Variants in FSTL5 observed in about 807,000 individuals in gnomAD.
FSTL5 encodes the protein follistatin-related protein 5.
In FSTL5, 62 loss-of-function variants were observed where a neutral mutation model predicts 89.1. That is an observed-to-expected ratio of 0.70 (90% CI 0.57 to 0.86). The LOEUF (loss-of-function observed/expected upper bound fraction) is 0.86. Ranked by LOEUF, FSTL5 falls within the 40% of genes least tolerant of loss-of-function variation. FSTL5 has a pLI of 0.00. For synonymous variants in FSTL5, 383 were observed against 346.2 expected (o/e 1.11, Z -1.18); for missense variants, 1,057 against 1,001.6 (o/e 1.06, Z -0.75).
intron 9 of FSTL5, among the ~76,000 whole-genome samples, chr4:161,538,654 C>G (rs758979018): frequency 2.0e-5 from 3 of 151,986 alleles, no homozygotes; most frequent in Non-Finnish European, 4.4e-5. Context: ...TTTCAGAAAT[C>G]TAATAATAGC....
intron 2 of FSTL5, among the ~76,000 whole-genome samples, chr4:162,049,654 A>G (rs541649283): frequency 6.6e-6 from 1 of 152,076 alleles, no homozygotes; most frequent in African/African-American, 2.4e-5. Flanking sequence ...ACTATCTGCC[A>G]TGCCGCTAAA....
intron 4 of FSTL5, among the ~76,000 whole-genome samples, chr4:161,842,670 A>G (rs531350531): frequency 2.6e-5 from 4 of 152,228 alleles, no homozygotes; most frequent in South Asian, 4.1e-4. Flanking sequence ...AAGAAACAAT[A>G]TGCAATCTGC....
intron 3 of FSTL5, among the ~76,000 whole-genome samples, chr4:161,972,122 C>T (rs554159980): frequency 4.6e-5 from 7 of 152,158 alleles, no homozygotes; most frequent in South Asian, 2.1e-4. Flanking sequence ...GAGGGAGTTT[C>T]GCTCTTGTCT....
intron 6 of FSTL5, among the ~76,000 whole-genome samples, chr4:161,659,253 G>C (rs922910831): frequency 5.9e-5 from 9 of 152,088 alleles, no homozygotes; most frequent in African/African-American, 1.9e-4. Context: ...CTATATATTT[G>C]ATAATTTCTT....
intron 13 of FSTL5, among the ~76,000 whole-genome samples, chr4:161,476,000 G>T (rs1049975490): frequency 3.3e-5 from 5 of 151,822 alleles, no homozygotes; most frequent in African/African-American, 1.2e-4. Context: ...TGATCCGCCC[G>T]CCTGGGCCTC....
intron 6 of FSTL5, among the ~76,000 whole-genome samples, chr4:161,739,168 T>C (rs182625318): frequency 1.6e-3 from 249 of 152,324 alleles, no homozygotes; most frequent in African/African-American, 4.8e-3. Context: ...AGAACAGTGT[T>C]GCTGCAGAAG....
intron 12 of FSTL5, among the ~76,000 whole-genome samples, chr4:161,494,237 G>C (rs1729987766): frequency 6.6e-6 from 1 of 152,016 alleles, no homozygotes; most frequent in South Asian, 2.1e-4. Context: ...TGTTTGAAAA[G>C]AGACACCCTG....
At chr4:162,127,237 C>T (rs751558613) in intron 1 of FSTL5, among the ~76,000 whole-genome samples, 4 of 152,142 alleles carry the variant, frequency 2.6e-5, no homozygotes, top group Non-Finnish European at 4.4e-5. Context: ...CCAGTTATGC[C>T]TCGTACACCC....
At chr4:162,049,329 C>T (rs1738305752) in intron 2 of FSTL5, among the ~76,000 whole-genome samples, 1 of 152,104 alleles carries the variant, frequency 6.6e-6, no homozygotes, top group African/African-American at 2.4e-5. Flanking sequence ...CAAAAGAAGG[C>T]CCACTATTAG....
intron 15 of FSTL5, among the ~76,000 whole-genome samples, chr4:161,423,615 T>C (rs1392602949): frequency 3.3e-5 from 5 of 152,118 alleles, no homozygotes; most frequent in Non-Finnish European, 7.4e-5. Context: ...TACTATATTT[T>C]TCATTCAATA....
intron 6 of FSTL5, among the ~76,000 whole-genome samples, chr4:161,684,940 C>G (rs1203942128): frequency 6.6e-6 from 1 of 152,010 alleles, no homozygotes; most frequent in Non-Finnish European, 1.5e-5. Flanking sequence ...AGGTGAGAGA[C>G]GAAGATCCAG....
chr4:161,419,968 A>G (rs531133016), intron 15 of FSTL5, among the ~76,000 whole-genome samples: 6 of 152,340 alleles, frequency 3.9e-5, no homozygotes, highest in Admixed American at 2.0e-4. Flanking sequence ...CTCTGAATCA[A>G]CAGGCAAAGA....
chr4:161,834,724 C>T (rs906277694), intron 4 of FSTL5, among the ~76,000 whole-genome samples: 2 of 152,002 alleles, frequency 1.3e-5, no homozygotes, highest in African/African-American at 4.8e-5. Flanking sequence ...GAATAAAATG[C>T]CTAGGAATCC....
intron 3 of FSTL5, among the ~76,000 whole-genome samples, chr4:161,978,157 C>G (rs1251447642): frequency 2.0e-5 from 3 of 152,218 alleles, no homozygotes; most frequent in Non-Finnish European, 4.4e-5. Context: ...TATTTATACA[C>G]AAATCATAAT....
At chr4:161,921,329 G>T (rs976843940) in intron 3 of FSTL5, among the ~76,000 whole-genome samples, 2 of 152,070 alleles carry the variant, frequency 1.3e-5, no homozygotes, top group African/African-American at 2.4e-5. Flanking sequence ...ATATTTTCTT[G>T]TTACTTATTT....
At chr4:161,841,203 C>G (rs990893185) in intron 4 of FSTL5, among the ~76,000 whole-genome samples, 2 of 152,162 alleles carry the variant, frequency 1.3e-5, no homozygotes, top group African/African-American at 4.8e-5. Context: ...AAAGTGCATA[C>G]ACCATTTATT....
rs1731698085 is a variant in FSTL5, at chr4:161,538,196, G to C, written c.1282C>G (p.Leu428Val). 3 of 1,614,014 alleles carry C rather than the reference G, an allele frequency of 1.9e-6. No homozygotes were observed. The South Asian group carries it at 3.3e-5, about 18-fold the overall frequency. ...EAGVDEDISS[L>V]FVEDSARKTL... ...TTTCTAGCAGAGTCTTCCACAAAAA[G>C]AGAAGAGATGTCTTCATCCACTCCT... Residue 428 changes from leucine to valine, a missense_variant, in exon 10 of 16, where the codon CTT (leucine) becomes GTT (valine). By Grantham distance (32) the Leu-to-Val change is conservative (BLOSUM62 1). Coordinates refer to ENST00000306100, the MANE Select transcript of FSTL5 (RefSeq NM_020116.5).
chr4:161,479,296 T>C (rs1729417321), intron 13 of FSTL5, among the ~76,000 whole-genome samples: 1 of 152,112 alleles, frequency 6.6e-6, no homozygotes, highest in Non-Finnish European at 1.5e-5. Flanking sequence ...CACTTGAACA[T>C]TTTATTATTA....
chr4:161,906,069 TATC>T (rs1432343653), intron 4 of FSTL5, among the ~76,000 whole-genome samples: 3 of 152,114 alleles, frequency 2.0e-5, no homozygotes, highest in Non-Finnish European at 4.4e-5. Flanking sequence ...TCTTCACTGA[TATC>T]AGGAATAATA....
Sources: allele counts gnomAD v4.1 joint callset (sites outside exome capture counted in the v4.1 genomes callset), GRCh38; gene constraint gnomAD v4.1.1; transcripts MANE v1.5; gene names NCBI Gene and HGNC (gene_info 2026-07-23, HGNC 2026-07-21).